Variants in TOMM70 observed in about 807,000 individuals in gnomAD.
The protein encoded by TOMM70 is translocase of outer mitochondrial membrane 70.
TOMM70 carries 13 observed loss-of-function variants against 73.6 expected under a neutral mutation model. The observed-to-expected ratio is 0.18, with a 90% CI of 0.11 to 0.28. The LOEUF (loss-of-function observed/expected upper bound fraction) is 0.28, where lower values mean the gene tolerates loss of function less well. Ranked by LOEUF, TOMM70 falls within the 10% of genes least tolerant of loss-of-function variation. The probability of loss-of-function intolerance (pLI) is 1.00; values close to 1 mark genes in which losing one functional copy is unlikely to be tolerated. For synonymous variants in TOMM70, 257 were observed against 271.2 expected, an observed-to-expected ratio of 0.95 and a Z score of 0.51; for missense variants, 609 against 747.5, an observed-to-expected ratio of 0.81 and a Z score of 2.16.
At chr3:100,387,599 GACACACAC>G (rs71752325) in intron 1 of TOMM70, among the ~76,000 whole-genome samples, 2,251 of 118,176 alleles carry the variant, frequency 0.019, 60 homozygotes, top group African/African-American at 0.066. Flanking sequence ...CACAGACACA[GACACACAC>G]ACACACACAC....
intron 1 of TOMM70, among the ~76,000 whole-genome samples, chr3:100,398,737 C>T (rs918375341): frequency 1.3e-5 from 2 of 152,158 alleles, no homozygotes; most frequent in African/African-American, 4.8e-5. Flanking sequence ...GTCAAGGAGA[C>T]AAAATGACTT....
At chr3:100,396,727 G>A (rs191870231) in intron 1 of TOMM70, among the ~76,000 whole-genome samples, 2 of 152,184 alleles carry the variant, frequency 1.3e-5, no homozygotes, top group South Asian at 2.1e-4. Flanking sequence ...TTTTATAATA[G>A]TTCAAAATGG....
intron 9 of TOMM70, among the ~76,000 whole-genome samples, chr3:100,371,123 A>C (rs1007836676): frequency 6.6e-6 from 1 of 152,190 alleles, no homozygotes; most frequent in African/African-American, 2.4e-5. Flanking sequence ...ATTTTCTCAT[A>C]GTTCCACCCT....
intron 5 of TOMM70, among the ~76,000 whole-genome samples, chr3:100,380,686 T>G (rs1337463115): frequency 2.0e-5 from 3 of 152,226 alleles, no homozygotes; most frequent in Admixed American, 6.5e-5. Flanking sequence ...AGTATTTGCA[T>G]AACTGTCACA....
chr3:100,368,188 A>C, intron 10 of TOMM70, 22 bp from the exon 11 acceptor site: 1 of 1,608,600 alleles, frequency 6.2e-7, no homozygotes. Flanking sequence ...AAAAAATGTC[A>C]GATGTGACCA....
chr3:100,397,690 A>G (rs1706840450), intron 1 of TOMM70, among the ~76,000 whole-genome samples: 1 of 152,160 alleles, frequency 6.6e-6, no homozygotes, highest in Non-Finnish European at 1.5e-5. Context: ...GGAGTTTGAG[A>G]CCAGCCTGGC....
At chr3:100,374,074 A>C (rs1359064632) in intron 7 of TOMM70, among the ~76,000 whole-genome samples, 2 of 152,242 alleles carry the variant, frequency 1.3e-5, no homozygotes, top group Admixed American at 6.5e-5. Flanking sequence ...AAAGAAATAC[A>C]GTCATGCATA....
chr3:100,384,577 C>G lies in TOMM70; in HGVS notation c.637G>C (p.Val213Leu), dbSNP rs772044515. 8.8e-6 allele frequency: 14 copies of G among 1,587,532 alleles called. No homozygotes were observed. The highest frequency in any genetic ancestry group is 1.1e-5 in the South Asian group (1 of 87,710). ...TTTTGGAACCCTTCTAATATACACA[C>G]AGCAGTGACATCTAGAAATGATGAA... ...KKECLEDVTA[V>L]CILEGFQNQQ... Residue 213 changes from valine (V) to leucine (L), a missense_variant, in exon 4 of 12, where the codon GTG becomes CTG. Val to Leu is a conservative substitution (Grantham distance 32). Around this residue, in one of 2 missense-constraint regions of TOMM70, gnomAD observed 432 missense variants for 584.1 expected, o/e 0.74. Coordinates refer to ENST00000284320, the MANE Select transcript of TOMM70 (RefSeq NM_014820.5).
intron 1 of TOMM70, among the ~76,000 whole-genome samples, chr3:100,388,567 A>C (rs576599240): frequency 6.6e-6 from 1 of 152,318 alleles, no homozygotes; most frequent in South Asian, 2.1e-4. Context: ...TAAAAGAGAC[A>C]AATGACAGTG....
At chr3:100,372,748 C>T in intron 8 of TOMM70, 26 bp from the exon 9 acceptor site, 2 of 1,572,314 alleles carry the variant, frequency 1.3e-6, no homozygotes, top group Non-Finnish European at 1.7e-6. Context: ...ACAGGCCTGT[C>T]AAATCAAGAA....
chr3:100,373,464 TG>T lies in TOMM70; in HGVS notation c.1335+73del, dbSNP rs1487018148. Reference sequence around the variant, plus strand: ...AAGAAAAAGACGACTTTGTAGACAATGAGATACTCATTTTTGTTGACGCTGG... The same window carrying T: ...AAGAAAAAGACGACTTTGTAGACAATAGATACTCATTTTTGTTGACGCTGG... On this transcript the variant is annotated intron_variant, in intron 8 of 11. Transcript: ENST00000284320. The T allele has an allele frequency of 7.5e-6, 9 of 1,197,128 alleles. No homozygotes were observed. In the Admixed American group the frequency reaches 2.1e-4, roughly 28 times the overall value. 74.2% of individuals were successfully genotyped at this position (1,197,128 alleles called of 1,614,324 possible).
chr3:100,398,735 G>A (rs1245213445), intron 1 of TOMM70, among the ~76,000 whole-genome samples: 1 of 152,160 alleles, frequency 6.6e-6, no homozygotes, highest in Non-Finnish European at 1.5e-5. Context: ...AGGTCAAGGA[G>A]ACAAAATGAC....
chr3:100,386,774 A>C, intron 2 of TOMM70, 31 bp downstream of exon 2: 1 of 1,586,244 alleles, frequency 6.3e-7, no homozygotes, highest in Non-Finnish European at 8.5e-7. Context: ...GAGAAAGAAA[A>C]GGAACAGAAG....
In TOMM70 at chr3:100,391,791, A is replaced by G. The variant is rs535572760; in HGVS notation, c.325-4813T>C. Among the ~76,000 whole-genome samples, 4 of 152,338 alleles carry G rather than the reference A, an allele frequency of 2.6e-5. No homozygotes were observed. In the South Asian group the frequency reaches 8.3e-4, roughly 32 times the overall value. On this transcript the variant is annotated intron_variant, in intron 1 of 11. Transcript: ENST00000284320. ...AAGTTACATACAGTAAGCTAAGGTT[A>G]ATTATCGAAGAAAAGTATGTTATAA...
At chr3:100,400,375 G>C (rs1264356680) in intron 1 of TOMM70, among the ~76,000 whole-genome samples, 1 of 152,206 alleles carries the variant, frequency 6.6e-6, no homozygotes, top group Non-Finnish European at 1.5e-5. Context: ...AGGGATAAAT[G>C]CTGTGTCACT....
chr3:100,374,806 ACT>A (rs1176389409), intron 7 of TOMM70, among the ~76,000 whole-genome samples: 4 of 152,128 alleles, frequency 2.6e-5, no homozygotes, highest in Non-Finnish European at 5.9e-5. Flanking sequence ...GCCTTCCTTT[ACT>A]CTTTTTTCAT....
At chr3:100,381,211 G>A (rs1706630321) in intron 5 of TOMM70, among the ~76,000 whole-genome samples, 1 of 151,876 alleles carries the variant, frequency 6.6e-6, no homozygotes, top group South Asian at 2.1e-4. Flanking sequence ...TCACTCTTTG[G>A]GCACCCCTAA....
At position 100,380,086 on chromosome 3, in the gene TOMM70, C is replaced by G. The variant is rs534769509; in HGVS notation, c.884+1529G>C. Reference sequence around the variant, plus strand: ...ACAGGCCAGGTGCAGTGGCTCACACCTGTAATTCCAACACTTTGGAAGGCC... The same window carrying G: ...ACAGGCCAGGTGCAGTGGCTCACACGTGTAATTCCAACACTTTGGAAGGCC... On this transcript the variant is annotated intron_variant, in intron 5 of 11. Transcript: ENST00000284320. 5.2e-3 allele frequency among the ~76,000 whole-genome samples: 792 copies of G among 152,294 alleles called. 4 individuals are homozygous for G. The highest frequency in any genetic ancestry group is 7.8e-3 in the Non-Finnish European group (532 of 68,012).
Position 100,385,985 on chromosome 3 carries a change from T to A in TOMM70, c.625+233A>T, listed in dbSNP as rs546852840. ...CTCATTAGCTGCTAAGTTTAAAATGTGTAGTACATAAACTCCTAATCTTAA... is the reference window on the plus strand; with the variant it reads ...CTCATTAGCTGCTAAGTTTAAAATGAGTAGTACATAAACTCCTAATCTTAA... On this transcript the variant is annotated intron_variant, in intron 3 of 11. Transcript: ENST00000284320. Among the ~76,000 whole-genome samples the A allele has an allele frequency of 2.0e-5, 3 of 152,336 alleles. No homozygotes were observed. The South Asian group carries it at 6.2e-4, about 32-fold the overall frequency.
Sources: allele counts gnomAD v4.1 joint callset (sites outside exome capture counted in the v4.1 genomes callset), GRCh38; gene constraint gnomAD v4.1.1; regional missense constraint gnomAD v4.1.1; transcripts MANE v1.5; gene names NCBI Gene and HGNC (gene_info 2026-07-23, HGNC 2026-07-21).